Variants in MAP2K1 observed in about 807,000 individuals in gnomAD.
The protein encoded by MAP2K1 is dual specificity mitogen-activated protein kinase kinase 1.
Under a neutral mutation model 46.3 loss-of-function variants are expected in MAP2K1, and 16 were observed. That is an observed-to-expected ratio of 0.35 (90% CI 0.23 to 0.52). The LOEUF (loss-of-function observed/expected upper bound fraction) is 0.52. MAP2K1 is among the 20% of genes least tolerant of loss of function. The pLI is 0.94. For missense variants in MAP2K1, 263 were observed against 497.1 expected (o/e 0.53, Z 4.48); for synonymous variants, 183 against 185.6 (o/e 0.99, Z 0.11).
intron 1 of MAP2K1, among the ~76,000 whole-genome samples, chr15:66,417,776 C>T (rs564446712): frequency 6.6e-6 from 1 of 152,180 alleles, no homozygotes; most frequent in South Asian, 2.1e-4. Flanking sequence ...TAACAAACAG[C>T]TGTTCTTGTA....
At chr15:66,392,791 G>A (rs2093359746) in intron 1 of MAP2K1, among the ~76,000 whole-genome samples, 1 of 151,920 alleles carries the variant, frequency 6.6e-6, no homozygotes, top group South Asian at 2.1e-4. Context: ...GACCTCAGAT[G>A]ATCCGCCTGC....
intron 2 of MAP2K1, 22 bp from the exon 3 acceptor site, chr15:66,436,724 T>C (rs2140583135): frequency 6.2e-7 from 1 of 1,613,242 alleles, no homozygotes; most frequent in Non-Finnish European, 8.5e-7. Context: ...ATAAAACCTC[T>C]CTTTCTTCCA....
At chr15:66,487,116 T>C in intron 7 of MAP2K1, 112 bp from the exon 8 acceptor site, 1 of 863,324 alleles carries the variant, frequency 1.2e-6, no homozygotes, top group South Asian at 1.4e-5. Flanking sequence ...CTGTTTAATG[T>C]TTATTGTCCA....
chr15:66,467,234 CAAAAA>C (rs1397180045), intron 5 of MAP2K1, among the ~76,000 whole-genome samples: 1 of 150,964 alleles, frequency 6.6e-6, no homozygotes, highest in African/African-American at 2.4e-5. Flanking sequence ...AACTCCGTCT[CAAAAA>C]GAAAAAAAAG....
At chr15:66,474,694 T>G (rs914603258) in intron 5 of MAP2K1, among the ~76,000 whole-genome samples, 5 of 152,278 alleles carry the variant, frequency 3.3e-5, no homozygotes, top group African/African-American at 1.2e-4. Context: ...GCCCTATCGT[T>G]AACTCCCTGT....
chr15:66,442,116 G>A (rs1156377786), intron 3 of MAP2K1, among the ~76,000 whole-genome samples: 2 of 152,104 alleles, frequency 1.3e-5, no homozygotes, highest in African/African-American at 2.4e-5. Context: ...GCCTCTGTCC[G>A]GCACCCCATT....
intron 1 of MAP2K1, among the ~76,000 whole-genome samples, chr15:66,396,218 C>T (rs146508810): frequency 5.9e-5 from 9 of 152,174 alleles, no homozygotes; most frequent in Admixed American, 3.3e-4. Context: ...GCCTCGATGT[C>T]GTGATCCGCC....
At chr15:66,401,998 A>G (rs2093382991) in intron 1 of MAP2K1, 1 of 1,337,136 alleles carries the variant, frequency 7.5e-7, no homozygotes, top group Non-Finnish European at 9.8e-7. Flanking sequence ...GAAAAATCAC[A>G]TGCAAATTTT....
chr15:66,468,281 C>G lies in MAP2K1; in HGVS notation c.569-13474C>G, dbSNP rs115688193. 4.8e-3 allele frequency among the ~76,000 whole-genome samples: 735 copies of G among 151,646 alleles called. 7 individuals carry two copies. The highest frequency in any genetic ancestry group is 0.017 in the African/African-American group (700 of 41,400). On this transcript the variant is annotated intron_variant, in intron 5 of 10. Coordinates refer to ENST00000307102, the MANE Select transcript of MAP2K1 (RefSeq NM_002755.4). Reference sequence around the variant, plus strand: ...TAAGACAGACCTCCTTTTTTTTTCCCCCCTTCTGTCTAAGACTTGCAAACT... The same window carrying G: ...TAAGACAGACCTCCTTTTTTTTTCCGCCCTTCTGTCTAAGACTTGCAAACT...
intron 1 of MAP2K1, among the ~76,000 whole-genome samples, chr15:66,426,962 A>G (rs1463999134): frequency 6.6e-6 from 1 of 152,168 alleles, no homozygotes; most frequent in Non-Finnish European, 1.5e-5. Flanking sequence ...CCTAGTTGTT[A>G]CTTCTTGCCT....
At chr15:66,433,002 T>TGTGTGTGTGTGTGTGTG (rs1567008282) in intron 1 of MAP2K1, among the ~76,000 whole-genome samples, 2 of 21,270 alleles carry the variant, frequency 9.4e-5, no homozygotes, top group Admixed American at 6.1e-4. Context: ...GTGTGTGTGT[T>TGTGTGTGTGTGTGTGTG]GACAGCTTTT....
intron 1 of MAP2K1, among the ~76,000 whole-genome samples, chr15:66,433,491 G>C (rs1366432906): frequency 6.6e-6 from 1 of 152,054 alleles, no homozygotes; most frequent in Non-Finnish European, 1.5e-5. Flanking sequence ...CAGGTGGGGT[G>C]GGGGGAAAAT....
chr15:66,394,419 T>C (rs1566994141), intron 1 of MAP2K1, among the ~76,000 whole-genome samples: 2 of 151,778 alleles, frequency 1.3e-5, no homozygotes, highest in Admixed American at 6.6e-5. Context: ...TTGTCTCTTA[T>C]GGCTCTTTCT....
At chr15:66,421,443 CT>C (rs113821727) in intron 1 of MAP2K1, among the ~76,000 whole-genome samples, 231 of 145,548 alleles carry the variant, frequency 1.6e-3, no homozygotes, top group African/African-American at 3.4e-3. Flanking sequence ...GGCTTATAAT[CT>C]TTTTTTTTTT....
At chr15:66,398,768 A>AT (rs35657608) in intron 1 of MAP2K1, among the ~76,000 whole-genome samples, 2,633 of 106,404 alleles carry the variant, frequency 0.025, 43 homozygotes, top group South Asian at 0.088. Context: ...AGTATTGCTA[A>AT]TTTTTTTTTT....
At chr15:66,487,014 T>C (rs1267516613) in intron 7 of MAP2K1, among the ~76,000 whole-genome samples, 1 of 152,162 alleles carries the variant, frequency 6.6e-6, no homozygotes, top group Admixed American at 6.5e-5. Flanking sequence ...AGTGAACTGA[T>C]TTGCCAAAGG....
chr15:66,465,959 A>G (rs1287838944), intron 5 of MAP2K1, among the ~76,000 whole-genome samples: 3 of 152,228 alleles, frequency 2.0e-5, no homozygotes, highest in Non-Finnish European at 4.4e-5. Context: ...GAGCCCAGCC[A>G]TGGATTTGTA....
chr15:66,469,299 C>T (rs893447506), intron 5 of MAP2K1, among the ~76,000 whole-genome samples: 6 of 152,150 alleles, frequency 3.9e-5, no homozygotes, highest in Non-Finnish European at 8.8e-5. Flanking sequence ...AGTGTCTAAA[C>T]TACACTCTTC....
intron 5 of MAP2K1, among the ~76,000 whole-genome samples, chr15:66,471,706 C>T (rs1289943605): frequency 6.6e-6 from 1 of 152,006 alleles, no homozygotes; most frequent in Non-Finnish European, 1.5e-5. Context: ...GATAGAAATA[C>T]AGCTGGCCTG....
Sources: gnomAD v4.1 joint callset for allele counts (sites outside exome capture counted in the v4.1 genomes callset) on GRCh38, gnomAD v4.1.1 for gene constraint, MANE v1.5 for transcripts, NCBI Gene and HGNC (gene_info 2026-07-23, HGNC 2026-07-21) for gene names.